The following RBFOX1 variants were observed in gnomAD, a reference collection of about 807,000 sequenced individuals.
The protein encoded by RBFOX1 is RNA binding protein fox-1 homolog 1.
A neutral mutation model predicts 57.7 loss-of-function variants in RBFOX1; 8 were observed. The ratio of observed to expected loss-of-function variants is 0.14; its 90% CI spans 0.08 to 0.25. The LOEUF (loss-of-function observed/expected upper bound fraction) is 0.25, where lower values mean the gene tolerates loss of function less well. Ranked by LOEUF, RBFOX1 falls within the 10% of genes least tolerant of loss-of-function variation. The pLI is 1.00. For synonymous variants in RBFOX1, 326 were observed against 222.4 expected (o/e 1.47, Z -4.15); for missense variants, 611 against 548.5 (o/e 1.11, Z -1.14).
intron 4 of RBFOX1, among the ~76,000 whole-genome samples, chr16:7,297,650 C>T (rs757475792): frequency 1.3e-5 from 2 of 152,018 alleles, no homozygotes; most frequent in Non-Finnish European, 1.5e-5. Context: ...AAAAATTATT[C>T]TTTAGGAACG....
intron 2 of RBFOX1, among the ~76,000 whole-genome samples, chr16:6,389,232 C>T (rs1007386222): frequency 6.6e-6 from 1 of 152,144 alleles, no homozygotes; most frequent in Non-Finnish European, 1.5e-5. Flanking sequence ...TTTTCTGTGT[C>T]TGTGGGCACA....
rs560153458 is a variant in RBFOX1, at chr16:6,964,637, A to T, written c.-15-87420A>T. 7.2e-5 allele frequency among the ~76,000 whole-genome samples: 11 copies of T among 152,304 alleles called. No homozygotes were observed. In the South Asian group the frequency reaches 2.3e-3, roughly 32 times the overall value. On this transcript the variant is annotated intron_variant, in intron 3 of 15. Coordinates refer to ENST00000550418, the MANE Select transcript of RBFOX1 (RefSeq NM_018723.4). ...TCTAAAAAATAACGTTAGTTTGAAG[A>T]AAATAAAAATACATTTTGACAAACT...
rs1012876571 is a variant in RBFOX1, at chr16:7,712,956, C to T, written c.*2211C>T. 1 of 152,204 alleles carries T rather than the reference C, an allele frequency of 6.6e-6. No individual in the cohort carries two copies. 9.4% of individuals were successfully genotyped at this position (152,204 alleles called of 1,614,324 possible). On this transcript the variant is annotated 3_prime_UTR_variant, in exon 16 of 16. Transcript: ENST00000550418. Reference sequence around the variant, plus strand: ...CAATGAGCTGTACTTTCCCCCATGACTGTATGTAGTTTTAATAAAATCATT... The same window carrying T: ...CAATGAGCTGTACTTTCCCCCATGATTGTATGTAGTTTTAATAAAATCATT...
chr16:7,112,983 G>T (rs955328179), intron 4 of RBFOX1, among the ~76,000 whole-genome samples: 1 of 152,154 alleles, frequency 6.6e-6, no homozygotes, highest in Non-Finnish European at 1.5e-5. Context: ...TGCCGAATTG[G>T]TTGGTTGTTC....
exon 3 of RBFOX1, chr16:5,599,250 C>G (rs1451128068): frequency 1.5e-6 from 1 of 675,370 alleles, no homozygotes; most frequent in Non-Finnish European, 2.7e-6. Flanking sequence ...TGGTTGGTGA[C>G]AAGGCTGCAA....
At chr16:7,485,484 T>G (rs2065140977) in intron 4 of RBFOX1, among the ~76,000 whole-genome samples, 1 of 152,228 alleles carries the variant, frequency 6.6e-6, no homozygotes, top group Non-Finnish European at 1.5e-5. Context: ...ACATGTGCTT[T>G]TTTTAGTTTT....
intron 4 of RBFOX1, among the ~76,000 whole-genome samples, chr16:7,437,682 C>T (rs2098733870): frequency 6.6e-6 from 1 of 152,116 alleles, no homozygotes; most frequent in African/African-American, 2.4e-5. Flanking sequence ...GTAGGCAAAG[C>T]TGCCTTCTAA....
intron 3 of RBFOX1, among the ~76,000 whole-genome samples, chr16:6,860,405 T>A (rs995508170): frequency 6.6e-6 from 1 of 152,200 alleles, no homozygotes; most frequent in African/African-American, 2.4e-5. Context: ...TCTGCAAGTC[T>A]TACAAAACAC....
intron 4 of RBFOX1, among the ~76,000 whole-genome samples, chr16:7,460,182 T>C (rs1345330706): frequency 6.6e-6 from 1 of 151,720 alleles, no homozygotes; most frequent in East Asian, 1.9e-4. Context: ...TCATTCCTCC[T>C]GTTTCTATTA....
chr16:6,775,936 G>C (rs950618340), intron 3 of RBFOX1: 2 of 152,170 alleles, frequency 1.3e-5, no homozygotes, highest in Admixed American at 6.5e-5. Context: ...TGGGTGACGG[G>C]GAATGGCTAA....
intron 1 of RBFOX1, among the ~76,000 whole-genome samples, chr16:5,268,867 A>C (rs1197016186): frequency 6.6e-6 from 1 of 152,020 alleles, no homozygotes. Flanking sequence ...CCAGCAGTGT[A>C]TGAAGGTTCT....
intron 4 of RBFOX1, among the ~76,000 whole-genome samples, chr16:7,103,086 C>A (rs990484283): frequency 1.3e-5 from 2 of 149,098 alleles, no homozygotes; most frequent in Non-Finnish European, 3.0e-5. Flanking sequence ...AAAAAAAATG[C>A]AACACTCTGT....
At chr16:5,986,957 C>T (rs1389299636) in intron 4 of RBFOX1, among the ~76,000 whole-genome samples, 1 of 152,148 alleles carries the variant, frequency 6.6e-6, no homozygotes, top group Non-Finnish European at 1.5e-5. Context: ...ACACTGTTTC[C>T]TAGAGTGGCT....
At chr16:7,479,110 G>GT (rs1370607381) in intron 4 of RBFOX1, among the ~76,000 whole-genome samples, 833 of 47,900 alleles carry the variant, frequency 0.017, 6 homozygotes, top group South Asian at 0.03. Context: ...TCAAAACCCA[G>GT]TTTTGTTTTT....
intron 2 of RBFOX1, among the ~76,000 whole-genome samples, chr16:6,390,560 A>AC (rs1183452688): frequency 6.6e-6 from 1 of 152,164 alleles, no homozygotes; most frequent in East Asian, 1.9e-4. Flanking sequence ...GTGAGAAAAA[A>AC]AAAAGCATGG....
intron 3 of RBFOX1, among the ~76,000 whole-genome samples, chr16:7,027,720 C>G (rs1316959710): frequency 6.6e-6 from 1 of 152,006 alleles, no homozygotes; most frequent in Non-Finnish European, 1.5e-5. Flanking sequence ...TTTTAATTCA[C>G]CAGTAAAACA....
intron 2 of RBFOX1, among the ~76,000 whole-genome samples, chr16:6,547,604 G>A (rs1002128774): frequency 6.6e-6 from 1 of 152,104 alleles, no homozygotes; most frequent in Non-Finnish European, 1.5e-5. Context: ...TCCTGAGGGA[G>A]GGGAAAAGGA....
intron 2 of RBFOX1, among the ~76,000 whole-genome samples, chr16:5,587,955 C>A (rs1249037583): frequency 6.6e-6 from 1 of 152,022 alleles, no homozygotes; most frequent in Non-Finnish European, 1.5e-5. Flanking sequence ...GTGACAGTTA[C>A]CTAAATGTCC....
At chr16:7,244,929 G>C (rs2094227224) in intron 4 of RBFOX1, among the ~76,000 whole-genome samples, 1 of 152,208 alleles carries the variant, frequency 6.6e-6, no homozygotes, top group Non-Finnish European at 1.5e-5. Flanking sequence ...GGTGTTTCAT[G>C]TCAGAGGCAC....
Sources: allele counts gnomAD v4.1 joint callset (sites outside exome capture counted in the v4.1 genomes callset), GRCh38; gene constraint gnomAD v4.1.1; transcripts MANE v1.5; gene names NCBI Gene and HGNC (gene_info 2026-07-23, HGNC 2026-07-21).